SLC25A13: variants seen among roughly 807,000 people sequenced by gnomAD.
SLC25A13 encodes the protein solute carrier family 25 member 13.
Under a neutral mutation model 85.5 loss-of-function variants are expected in SLC25A13, and 70 were observed. The ratio of observed to expected loss-of-function variants is 0.82; its 90% CI spans 0.68 to 1.00. The LOEUF (loss-of-function observed/expected upper bound fraction) is 1.00, where lower values mean the gene tolerates loss of function less well. SLC25A13 is among the 50% of genes least tolerant of loss of function. The probability of loss-of-function intolerance (pLI) is 0.00; values close to 1 mark genes in which losing one functional copy is unlikely to be tolerated. For missense variants in SLC25A13, 765 were observed against 819.8 expected (o/e 0.93, Z 0.82); for synonymous variants, 259 against 288.7 (o/e 0.90, Z 1.04).
chr7:96,247,958 G>GAAAAAAAAAAA, intron 3 of SLC25A13, among the ~76,000 whole-genome samples: 1 of 122,520 alleles, frequency 8.2e-6, no homozygotes, highest in African/African-American at 3.0e-5. Context: ...TAGCAGCTGG[G>GAAAAAAAAAAA]AAAAAAAAAA....
At position 96,138,866 on chromosome 7, in the gene SLC25A13, T is replaced by C. The variant is rs150420717; in HGVS notation, c.1453-6985A>G. Among the ~76,000 whole-genome samples, 629 of 152,310 alleles carry C rather than the reference T, an allele frequency of 4.1e-3. 9 individuals carry two copies. The highest frequency in any genetic ancestry group is 0.039 in the South Asian group (188 of 4,824). ...TTAGCACACTCAATTCCTCTGGGCA[T>C]TGTTTTATAAAAATAATATTTTTCA... On this transcript the variant is annotated intron_variant, in intron 14 of 17. Coordinates refer to ENST00000265631, the MANE Select transcript of SLC25A13 (RefSeq NM_014251.3).
intron 3 of SLC25A13, among the ~76,000 whole-genome samples, chr7:96,240,591 T>A (rs1351773394): frequency 6.6e-6 from 1 of 151,654 alleles, no homozygotes; most frequent in Non-Finnish European, 1.5e-5. Context: ...GAAAATACAG[T>A]GCCGGGGTTG....
chr7:96,146,850 C>A (rs1265383898), intron 13 of SLC25A13, among the ~76,000 whole-genome samples, 154 bp from the exon 14 acceptor site: 2 of 152,116 alleles, frequency 1.3e-5, no homozygotes, highest in Non-Finnish European at 2.9e-5. Context: ...TTAGGGATTA[C>A]AAGTATGAAT....
chr7:96,277,685 C>T (rs1240232639), intron 2 of SLC25A13, among the ~76,000 whole-genome samples: 3 of 151,876 alleles, frequency 2.0e-5, no homozygotes, highest in Admixed American at 1.3e-4. Flanking sequence ...CTCCCTGCAA[C>T]AGACAGTTCT....
chr7:96,285,839 T>G (rs1798865023), intron 2 of SLC25A13, among the ~76,000 whole-genome samples: 1 of 152,156 alleles, frequency 6.6e-6, no homozygotes, highest in African/African-American at 2.4e-5. Flanking sequence ...CACATCTGTT[T>G]AAACTAACAG....
At chr7:96,306,593 C>T (rs1799752136) in intron 1 of SLC25A13, among the ~76,000 whole-genome samples, 1 of 151,960 alleles carries the variant, frequency 6.6e-6, no homozygotes, top group Admixed American at 6.6e-5. Flanking sequence ...GCCTATGTGG[C>T]CAGACTTCTG....
At chr7:96,232,952 T>G (rs1048658316) in intron 4 of SLC25A13, among the ~76,000 whole-genome samples, 28 of 152,212 alleles carry the variant, frequency 1.8e-4, no homozygotes, top group African/African-American at 5.8e-4. Flanking sequence ...ACTATCATTT[T>G]CTTCTAATCA....
At chr7:96,244,677 T>C (rs1797117892) in intron 3 of SLC25A13, among the ~76,000 whole-genome samples, 2 of 152,186 alleles carry the variant, frequency 1.3e-5, no homozygotes, top group South Asian at 4.1e-4. Context: ...AGAAAGGACC[T>C]TGGCATTCCC....
Position 96,170,053 on chromosome 7 carries a change from C to T in SLC25A13, c.1303G>A (p.Gly435Arg). ...CTTCAAAAGGTACTTACGCAGCCTC[C>T]AGCAAGAATTTCTGCTGCAAGTGGG... is the stretch of plus-strand genomic sequence containing the variant. ...SVPLAAEILA[G>R]GCAGGSQVIF... Residue 435 changes from glycine (G) to arginine (R), a missense_variant, in exon 13 of 18, where the codon GGA becomes AGA. Transcript: ENST00000265631. 1 of 1,614,118 alleles carries T rather than the reference C, an allele frequency of 6.2e-7. No homozygotes were observed. Among genetic ancestry groups the T allele is most frequent in the Non-Finnish European group, 8.5e-7 (1 of 1,179,998 alleles).
At chr7:96,203,943 C>T (rs894348684) in intron 5 of SLC25A13, among the ~76,000 whole-genome samples, 1 of 152,132 alleles carries the variant, frequency 6.6e-6, no homozygotes, top group African/African-American at 2.4e-5. Flanking sequence ...AGCCTTAGAT[C>T]TGGAGAAAGT....
chr7:96,241,678 T>A (rs1797003616), intron 3 of SLC25A13, among the ~76,000 whole-genome samples: 1 of 152,128 alleles, frequency 6.6e-6, no homozygotes, highest in African/African-American at 2.4e-5. Context: ...CCATATTTTC[T>A]AATCCTTTCA....
chr7:96,129,307 C>T (rs1197401884), intron 15 of SLC25A13, among the ~76,000 whole-genome samples: 1 of 152,130 alleles, frequency 6.6e-6, no homozygotes, highest in Non-Finnish European at 1.5e-5. Flanking sequence ...ATAACAAATA[C>T]AGAAGGCATT....
At chr7:96,168,823 A>G (rs1793879381) in intron 13 of SLC25A13, among the ~76,000 whole-genome samples, 1 of 152,250 alleles carries the variant, frequency 6.6e-6, no homozygotes, top group South Asian at 2.1e-4. Context: ...TAGGCTAGGC[A>G]CAGCCTATGG....
At chr7:96,238,363 T>C (rs1484736507) in intron 3 of SLC25A13, among the ~76,000 whole-genome samples, 1 of 150,574 alleles carries the variant, frequency 6.6e-6, no homozygotes, top group African/African-American at 2.4e-5. Flanking sequence ...ACCTTGGATG[T>C]CTAGCCTCCA....
At chr7:96,211,665 T>C (rs982742193) in intron 4 of SLC25A13, among the ~76,000 whole-genome samples, 69 of 152,208 alleles carry the variant, frequency 4.5e-4, no homozygotes, top group Non-Finnish European at 3.7e-4. Context: ...CACTAAGTAG[T>C]TGCTGAATTT....
intron 4 of SLC25A13, among the ~76,000 whole-genome samples, chr7:96,220,506 C>T (rs1259800075): frequency 6.6e-6 from 1 of 152,136 alleles, no homozygotes; most frequent in Non-Finnish European, 1.5e-5. Context: ...AACTGCCTTG[C>T]AACTGTTGGA....
At chr7:96,211,301 T>C (rs1370951688) in intron 4 of SLC25A13, among the ~76,000 whole-genome samples, 1 of 152,126 alleles carries the variant, frequency 6.6e-6, no homozygotes, top group Non-Finnish European at 1.5e-5. Context: ...CTGGCTGATG[T>C]ACTGAAATCT....
At chr7:96,211,160 C>T (rs912998517) in intron 4 of SLC25A13, among the ~76,000 whole-genome samples, 2 of 152,130 alleles carry the variant, frequency 1.3e-5, no homozygotes, top group South Asian at 2.1e-4. Context: ...CCATAAACAA[C>T]AATCTTATTT....
chr7:96,223,584 T>C (rs1796214910), intron 4 of SLC25A13, among the ~76,000 whole-genome samples: 1 of 152,100 alleles, frequency 6.6e-6, no homozygotes, highest in African/African-American at 2.4e-5. Context: ...GCTCAGGAGT[T>C]CCAGACCAGC....
Sources: allele counts gnomAD v4.1 joint callset (sites outside exome capture counted in the v4.1 genomes callset), GRCh38; gene constraint gnomAD v4.1.1; transcripts MANE v1.5; gene names NCBI Gene and HGNC (gene_info 2026-07-23, HGNC 2026-07-21).